Variants in CAMSAP2 observed in about 807,000 individuals in gnomAD.
CAMSAP2 encodes the protein calmodulin regulated spectrin associated protein family member 2.
In CAMSAP2, 26 loss-of-function variants were observed where a neutral mutation model predicts 146.1. The observed-to-expected ratio is 0.18, with a 90% CI of 0.13 to 0.25. The LOEUF is 0.25. CAMSAP2 is among the 10% of genes least tolerant of loss of function. The pLI is 1.00. For missense variants in CAMSAP2, 1,381 were observed against 1,759.3 expected (o/e 0.78, Z 3.85); for synonymous variants, 499 against 596.6 (o/e 0.84, Z 2.38).
In CAMSAP2 at chr1:200,850,190, C is replaced by A. The variant is rs750386917; in HGVS notation, c.3421C>A (p.Gln1141Lys). 3.1e-6 allele frequency: 5 copies of A among 1,601,844 alleles called. No individual in the cohort carries two copies. In the South Asian group the frequency reaches 5.6e-5, roughly 18 times the overall value. Residue 1141 changes from glutamine to lysine, a missense_variant, in exon 11 of 17, where the codon CAA becomes AAA. By Grantham distance (53) the Gln-to-Lys change is moderately conservative. Coordinates refer to ENST00000358823, the MANE Select transcript of CAMSAP2 (RefSeq NM_203459.4). ...ATATGATGGAGAAAGTGATAAAGAA[C>A]AATTTGATGATGACCAGAAAGTATG... Reference protein sequence around the residue: ...EKYDGESDKEQFDDDQKVCCG... With the variant: ...EKYDGESDKEKFDDDQKVCCG...
intron 2 of CAMSAP2, among the ~76,000 whole-genome samples, chr1:200,764,528 G>T (rs1012171682): frequency 1.4e-4 from 22 of 152,166 alleles, no homozygotes; most frequent in South Asian, 2.1e-4. Context: ...ATTTTTATAT[G>T]ATTTTACTGT....
intron 2 of CAMSAP2, among the ~76,000 whole-genome samples, chr1:200,800,363 A>G (rs952976894): frequency 1.3e-5 from 2 of 152,070 alleles, no homozygotes; most frequent in African/African-American, 2.4e-5. Flanking sequence ...TTGGGTGCAT[A>G]TATATTTAGG....
chr1:200,816,991 T>C (rs1666572238), intron 4 of CAMSAP2, among the ~76,000 whole-genome samples: 1 of 136,186 alleles, frequency 7.3e-6, no homozygotes, highest in Admixed American at 7.0e-5. Flanking sequence ...TACACATATA[T>C]ACATATATGT....
chr1:200,811,311 T>A (rs1361533886), intron 3 of CAMSAP2, among the ~76,000 whole-genome samples: 1 of 152,120 alleles, frequency 6.6e-6, no homozygotes, highest in Non-Finnish European at 1.5e-5. Flanking sequence ...ACATGCACAG[T>A]CCAGGGCTCA....
chr1:200,755,518 A>AGAGGT (rs914243172), intron 1 of CAMSAP2, among the ~76,000 whole-genome samples: 8 of 152,334 alleles, frequency 5.3e-5, no homozygotes, highest in Non-Finnish European at 8.8e-5. Context: ...GGAGCTCAGA[A>AGAGGT]GAGGTGCTTT....
chr1:200,807,298 C>T, intron 2 of CAMSAP2, 78 bp from the exon 3 acceptor site: 1 of 1,124,154 alleles, frequency 8.9e-7, no homozygotes. Flanking sequence ...TAGGAGATGT[C>T]ATTAACATTT....
At chr1:200,852,069 T>G (rs1340611045) in intron 11 of CAMSAP2, among the ~76,000 whole-genome samples, 1 of 152,112 alleles carries the variant, frequency 6.6e-6, no homozygotes, top group Non-Finnish European at 1.5e-5. Flanking sequence ...AAGCAGACTG[T>G]CAGTACCTCA....
chr1:200,855,930 G>T (rs146885077), intron 14 of CAMSAP2, 80 bp from the exon 15 acceptor site: 740 of 920,782 alleles, frequency 8.0e-4, no homozygotes, highest in Non-Finnish European at 1.2e-3. Context: ...GGTTGATTTT[G>T]ATTGTTACTT....
At chr1:200,796,233 A>G (rs1665880503) in intron 2 of CAMSAP2, among the ~76,000 whole-genome samples, 1 of 152,114 alleles carries the variant, frequency 6.6e-6, no homozygotes, top group South Asian at 2.1e-4. Context: ...CTACTTAACT[A>G]TTTGCTGTTC....
At chr1:200,852,767 GTC>G (rs1018168808) in intron 12 of CAMSAP2, 90 bp downstream of exon 12, 44 of 1,325,450 alleles carry the variant, frequency 3.3e-5, no homozygotes, top group South Asian at 8.3e-5. Context: ...CAAAGAGGTG[GTC>G]TCTCATTAAT....
At position 200,845,223 on chromosome 1, in the gene CAMSAP2, T is replaced by C. The variant is rs578194169; in HGVS notation, c.1109+354T>C. On this transcript the variant is annotated intron_variant, in intron 8 of 16. Transcript: ENST00000358823. Reference sequence around the variant, plus strand: ...ATTCTATTAGGACTTTTACATATTTTATTATTTTAAAAATCTTTGAAGGTT... The same window carrying C: ...ATTCTATTAGGACTTTTACATATTTCATTATTTTAAAAATCTTTGAAGGTT... Among the ~76,000 whole-genome samples, 11 of 150,130 alleles carry C rather than the reference T, an allele frequency of 7.3e-5. No homozygotes were observed. The East Asian group carries it at 2.2e-3, about 30-fold the overall frequency.
chr1:200,770,979 C>T (rs1228285904), intron 2 of CAMSAP2, among the ~76,000 whole-genome samples: 2 of 152,072 alleles, frequency 1.3e-5, no homozygotes, highest in Non-Finnish European at 2.9e-5. Context: ...ACTTCTAACC[C>T]AGTGCTTATT....
chr1:200,845,744 A>G (rs1236589185), intron 8 of CAMSAP2, among the ~76,000 whole-genome samples: 1 of 152,208 alleles, frequency 6.6e-6, no homozygotes, highest in Non-Finnish European at 1.5e-5. Flanking sequence ...AGTTACAAGC[A>G]GGTACCTTTT....
At chr1:200,768,372 G>A (rs1665016608) in intron 2 of CAMSAP2, among the ~76,000 whole-genome samples, 1 of 152,190 alleles carries the variant, frequency 6.6e-6, no homozygotes, top group African/African-American at 2.4e-5. Context: ...AGCACTAGCT[G>A]CCTTTTGAGG....
In CAMSAP2 at chr1:200,850,090, A is replaced by C. The variant is rs908748339; in HGVS notation, c.3321A>C (p.Pro1107=). The C allele has an allele frequency of 3.1e-6, 5 of 1,613,886 alleles. No homozygotes were observed. The highest frequency in any genetic ancestry group is 3.4e-6 in the Non-Finnish European group (4 of 1,179,964). Residue 1107 remains proline (P), a synonymous_variant, in exon 11 of 17, where the codon CCA becomes CCC. Coordinates refer to ENST00000358823, the MANE Select transcript of CAMSAP2 (RefSeq NM_203459.4). ...AACCCGTTTTCCCACCCACTGCTCCAAAAAATGTTAATCTGATTGAAGTTT... is the reference window on the plus strand; with the variant it reads ...AACCCGTTTTCCCACCCACTGCTCCCAAAAATGTTAATCTGATTGAAGTTT... ...PPKPVFPPTA[P]KNVNLIEVSL...
At chr1:200,818,127 T>C (rs1666654983) in intron 4 of CAMSAP2, among the ~76,000 whole-genome samples, 1 of 152,202 alleles carries the variant, frequency 6.6e-6, no homozygotes, top group Non-Finnish European at 1.5e-5. Flanking sequence ...ATTATAACAC[T>C]AATGAAATTT....
intron 8 of CAMSAP2, among the ~76,000 whole-genome samples, chr1:200,846,531 G>A (rs1404087787): frequency 6.6e-6 from 1 of 152,048 alleles, no homozygotes; most frequent in Non-Finnish European, 1.5e-5. Flanking sequence ...TTATTGTGTA[G>A]CCATTATTCT....
chr1:200,766,300 C>A (rs778590955), intron 2 of CAMSAP2, among the ~76,000 whole-genome samples: 1 of 151,976 alleles, frequency 6.6e-6, no homozygotes, highest in Non-Finnish European at 1.5e-5. Flanking sequence ...TGCACCACCC[C>A]ACCTGGCTAA....
intron 4 of CAMSAP2, among the ~76,000 whole-genome samples, chr1:200,820,106 G>A (rs908162761): frequency 2.0e-5 from 3 of 151,658 alleles, no homozygotes; most frequent in African/African-American, 7.3e-5. Flanking sequence ...CGTCACCCAG[G>A]CTGGAGGGCA....
Sources: gnomAD v4.1 joint callset for allele counts (sites outside exome capture counted in the v4.1 genomes callset) on GRCh38, gnomAD v4.1.1 for gene constraint, MANE v1.5 for transcripts, NCBI Gene and HGNC (gene_info 2026-07-23, HGNC 2026-07-21) for gene names.